The following RFX3 variants were observed in gnomAD, a reference collection of about 807,000 sequenced individuals.
RFX3 encodes the protein transcription factor RFX3.
A neutral mutation model predicts 98.6 loss-of-function variants in RFX3; 14 were observed. The observed-to-expected ratio is 0.14, with a 90% CI of 0.09 to 0.22. The LOEUF is 0.22. RFX3 is among the 10% of genes least tolerant of loss of function. RFX3 has a pLI of 1.00. For missense variants in RFX3, 639 were observed against 926.9 expected (o/e 0.69, Z 4.03); for synonymous variants, 383 against 328.4 (o/e 1.17, Z -1.80).
chr9:3,424,148 A>G (rs1184866803), intron 1 of RFX3, among the ~76,000 whole-genome samples: 3 of 148,964 alleles, frequency 2.0e-5, no homozygotes, highest in Non-Finnish European at 3.0e-5. Context: ...CTCCTTCTCA[A>G]AAAAAAAAGA....
chr9:3,495,227 T>C (rs941746867), intron 1 of RFX3, among the ~76,000 whole-genome samples: 1 of 151,748 alleles, frequency 6.6e-6, no homozygotes, highest in Non-Finnish European at 1.5e-5. Context: ...GAAAAAAAAA[T>C]TCTATGTAGC....
At position 3,491,221 on chromosome 9, in the gene RFX3, A is replaced by C. The variant is rs909889351; in HGVS notation, c.-9+34526T>G. The stretch of plus-strand genomic sequence containing the variant: ...AATACACATATTTGAGATTACTTGA[A>C]GAAGACAGGACAAGGATCACTAAAA... On this transcript the variant is annotated intron_variant, in intron 1 of 16. Coordinates refer to ENST00000617270, the MANE Select transcript of RFX3 (RefSeq NM_001282116.2). Among the ~76,000 whole-genome samples the C allele has an allele frequency of 5.8e-4, 88 of 152,270 alleles. 1 individual carries two copies. The highest frequency in any genetic ancestry group is 6.8e-3 in the Middle Eastern group (2 of 294).
chr9:3,230,839 T>C (rs570516855), intron 15 of RFX3, among the ~76,000 whole-genome samples: 11 of 152,346 alleles, frequency 7.2e-5, no homozygotes, highest in Admixed American at 2.0e-4. Flanking sequence ...ATTATTGCTA[T>C]TGCTGATCAA....
intron 2 of RFX3, among the ~76,000 whole-genome samples, chr9:3,348,046 G>T (rs1361846806): frequency 6.6e-6 from 1 of 152,020 alleles, no homozygotes; most frequent in Non-Finnish European, 1.5e-5. Context: ...TCCAAACATG[G>T]TCTACATAAT....
intron 7 of RFX3, 102 bp downstream of exon 7, chr9:3,288,029 A>C: frequency 1.5e-5 from 16 of 1,043,802 alleles, no homozygotes; most frequent in Non-Finnish European, 2.1e-5. Context: ...TGCCAACAAT[A>C]AGAACGTTCT....
intron 5 of RFX3, among the ~76,000 whole-genome samples, chr9:3,297,194 T>C (rs922071156): frequency 6.6e-6 from 1 of 152,108 alleles, no homozygotes; most frequent in African/African-American, 2.4e-5. Context: ...AATCTTAACA[T>C]TCAATAATTT....
chr9:3,252,307 T>G (rs1276107261), intron 14 of RFX3, among the ~76,000 whole-genome samples: 1 of 152,192 alleles, frequency 6.6e-6, no homozygotes, highest in Admixed American at 6.5e-5. Context: ...TTCAAAAAAG[T>G]TCACGTTCTG....
intron 8 of RFX3, 142 bp downstream of exon 8, chr9:3,277,198 G>C: frequency 1.4e-6 from 1 of 720,670 alleles, no homozygotes; most frequent in South Asian, 1.9e-5. Flanking sequence ...AACTAGGACT[G>C]TTATACATAT....
intron 15 of RFX3, among the ~76,000 whole-genome samples, chr9:3,232,352 C>A: frequency 6.6e-6 from 1 of 152,156 alleles, no homozygotes; most frequent in East Asian, 1.9e-4. Flanking sequence ...TTCCCTGAAG[C>A]TTTCCTGGCA....
In RFX3 at chr9:3,219,365, T is replaced by C. The variant is rs1481286171; in HGVS notation, c.*5677A>G. 2.6e-5 allele frequency: 4 copies of C among 151,994 alleles called. No homozygotes were observed. The highest frequency in any genetic ancestry group is 9.7e-5 in the African/African-American group (4 of 41,386). 9.4% of individuals were successfully genotyped at this position (151,994 alleles called of 1,614,324 possible). On this transcript the variant is annotated 3_prime_UTR_variant, in exon 17 of 17. Coordinates refer to ENST00000617270, the MANE Select transcript of RFX3 (RefSeq NM_001282116.2). Reference sequence around the variant, plus strand: ...TCAAAATTCTTCTAAAGAATATTTGTTGTCCTCGTTATTGAGCTACATAAA... The same window carrying C: ...TCAAAATTCTTCTAAAGAATATTTGCTGTCCTCGTTATTGAGCTACATAAA...
chr9:3,301,017 T>C (rs1828588279), intron 5 of RFX3, among the ~76,000 whole-genome samples: 3 of 151,844 alleles, frequency 2.0e-5, no homozygotes, highest in Admixed American at 2.0e-4. Context: ...CTTTTACTTC[T>C]CTTTAGGTCT....
At chr9:3,504,424 A>ATGG (rs1187544030) in intron 1 of RFX3, among the ~76,000 whole-genome samples, 39 of 136,104 alleles carry the variant, frequency 2.9e-4, no homozygotes, top group South Asian at 1.8e-3. Flanking sequence ...TATATACCAC[A>ATGG]TAGTATATAT....
rs558021457 is a variant in RFX3, at chr9:3,467,312, ATATG to A, written c.-9+58431_-9+58434del. On this transcript the variant is annotated intron_variant, in intron 1 of 16. Coordinates refer to ENST00000617270, the MANE Select transcript of RFX3 (RefSeq NM_001282116.2). ...TATATATACACACACACAAATATATATATGTGTGTGTGTATGTACGTGTGTGTGT... is the reference window on the plus strand; with the variant it reads ...TATATATACACACACACAAATATATATGTGTGTGTATGTACGTGTGTGTGT... 3.9e-4 allele frequency among the ~76,000 whole-genome samples: 58 copies of A among 147,480 alleles called. 1 individual carries two copies. Among genetic ancestry groups the A allele is most frequent in the African/African-American group, 1.4e-3 (56 of 40,124 alleles).
At chr9:3,266,905 C>T (rs1382173797) in intron 11 of RFX3, among the ~76,000 whole-genome samples, 2 of 151,934 alleles carry the variant, frequency 1.3e-5, no homozygotes, top group East Asian at 3.8e-4. Flanking sequence ...GGTAAACGAT[C>T]AGTATGATAA....
At chr9:3,264,342 T>C (rs1022062266) in intron 12 of RFX3, among the ~76,000 whole-genome samples, 5 of 152,188 alleles carry the variant, frequency 3.3e-5, no homozygotes, top group African/African-American at 1.2e-4. Flanking sequence ...AGTATTGCAC[T>C]CAATCACTAT....
chr9:3,503,942 T>C (rs947076630), intron 1 of RFX3, among the ~76,000 whole-genome samples: 16 of 151,630 alleles, frequency 1.1e-4, no homozygotes, highest in South Asian at 4.1e-4. Context: ...TTGCCTATTA[T>C]TGTAATTTTT....
At position 3,277,424 on chromosome 9, in the gene RFX3, C is replaced by G. The variant is rs778881792; in HGVS notation, c.889G>C (p.Gly297Arg). The G allele has an allele frequency of 2.5e-6, 4 of 1,612,550 alleles. No individual in the cohort carries two copies. In the African/African-American group the frequency reaches 5.3e-5, roughly 22 times the overall value. ...GTCTGTTGACCACTTCCTGTGAAACCATCTGCAACCCCATCCACTTTCTGC... is the reference window on the plus strand; with the variant it reads ...GTCTGTTGACCACTTCCTGTGAAACGATCTGCAACCCCATCCACTTTCTGC... ...PMQKVDGVADGFTGSGQQTGT... is the reference protein window; with the variant it reads ...PMQKVDGVADRFTGSGQQTGT... The change falls in exon 8 of 17, where the codon GGT becomes CGT. Residue 297 changes from glycine (G) to arginine (R), a missense_variant. Around this residue, in one of 9 missense-constraint regions of RFX3, gnomAD observed 86 missense variants for 113.2 expected, o/e 0.76. Transcript: ENST00000617270.
chr9:3,270,297 A>G (rs1345515373), intron 11 of RFX3, 74 bp downstream of exon 11: 9 of 1,402,224 alleles, frequency 6.4e-6, no homozygotes, highest in Admixed American at 2.2e-5. Flanking sequence ...CTAGATTGCA[A>G]TGTCACTTCT....
chr9:3,248,369 G>A (rs1037702051), intron 14 of RFX3, among the ~76,000 whole-genome samples, 184 bp from the exon 15 acceptor site: 4 of 152,108 alleles, frequency 2.6e-5, no homozygotes, highest in African/African-American at 7.2e-5. Flanking sequence ...ATGATAAAGA[G>A]GTAATCCTCA....
Sources: gnomAD v4.1 joint callset for allele counts (sites outside exome capture counted in the v4.1 genomes callset) on GRCh38, gnomAD v4.1.1 for gene constraint, gnomAD v4.1.1 regional missense constraint, MANE v1.5 for transcripts, NCBI Gene and HGNC (gene_info 2026-07-23, HGNC 2026-07-21) for gene names.